ABCA5: variants seen among roughly 807,000 people sequenced by gnomAD.
ABCA5 encodes the protein ATP binding cassette subfamily A member 5.
ABCA5 carries 163 observed loss-of-function variants against 206.0 expected under a neutral mutation model. The observed-to-expected ratio is 0.79, with a 90% CI of 0.70 to 0.90. The LOEUF (loss-of-function observed/expected upper bound fraction) is 0.90, where lower values mean the gene tolerates loss of function less well. ABCA5 is among the 40% of genes least tolerant of loss of function. The pLI, the probability that ABCA5 is intolerant of heterozygous loss-of-function variation, is 0.00. For synonymous variants in ABCA5, 609 were observed against 613.8 expected (o/e 0.99, Z 0.11); for missense variants, 1,859 against 1,912.9 (o/e 0.97, Z 0.53).
In ABCA5 at chr17:69,254,449, A is replaced by T. The variant is rs771048225; in HGVS notation, c.4110T>A (p.Asp1370Glu). 12 of 1,613,070 alleles carry T rather than the reference A, an allele frequency of 7.4e-6. No individual in the cohort carries two copies. Among genetic ancestry groups the T allele is most frequent in the Non-Finnish European group, 1.0e-5 (12 of 1,179,570 alleles). Reference protein sequence around the residue: ...GDYSSETSEDDDSLKCMGYCP... With the variant: ...GDYSSETSEDEDSLKCMGYCP... ...AGTAACCCATACACTTCAGTGAATCATCATCTTCACTTGTCTCTGAAGAAT... is the reference window on the plus strand; with the variant it reads ...AGTAACCCATACACTTCAGTGAATCTTCATCTTCACTTGTCTCTGAAGAAT... Residue 1370 changes from aspartate (D) to glutamate (E), a missense_variant, in exon 32 of 39, where the codon GAT (aspartate) becomes GAA (glutamate). By Grantham distance (45) the Asp-to-Glu change is conservative (BLOSUM62 2). Coordinates refer to ENST00000392676, the MANE Select transcript of ABCA5 (RefSeq NM_172232.4).
rs58369537 is a variant in ABCA5, at chr17:69,263,697, C to CTTTTTTTTTTTTTTTTTTTT, written c.3315+1037_3315+1038insAAAAAAAAAAAAAAAAAAAA. Among the ~76,000 whole-genome samples the CTTTTTTTTTTTTTTTTTTTT allele has an allele frequency of 4.2e-3, 436 of 103,632 alleles. 18 individuals are homozygous for CTTTTTTTTTTTTTTTTTTTT. The highest frequency in any genetic ancestry group is 6.5e-3 in the Non-Finnish European group (369 of 56,460). 68.0% of individuals were successfully genotyped at this position (103,632 alleles called of 152,430 possible). A position where few individuals can be genotyped will look rare whatever the true frequency, so the allele number is the denominator to read the frequency against. ...GGCTTTGTTCTTTTTACATGGATTCCTTTTTTTTTTTTTTTTTGATAAAAA... is the reference window on the plus strand; with the variant it reads ...GGCTTTGTTCTTTTTACATGGATTCCTTTTTTTTTTTTTTTTTTTTTTTTTTTTTTTTTTTTTGATAAAAA... On this transcript the variant is annotated intron_variant, in intron 24 of 38. Transcript: ENST00000392676.
chr17:69,319,511 C>G (rs561330701), intron 1 of ABCA5, among the ~76,000 whole-genome samples: 20 of 152,134 alleles, frequency 1.3e-4, no homozygotes, highest in African/African-American at 4.6e-4. Context: ...ACCATCCCAA[C>G]GCACACAAAC....
chr17:69,268,345 C>T (rs772481432), intron 22 of ABCA5, among the ~76,000 whole-genome samples: 10 of 152,008 alleles, frequency 6.6e-5, no homozygotes, highest in African/African-American at 1.9e-4. Context: ...ATATAAATTA[C>T]GCTTCACAAT....
chr17:69,291,215 C>A lies in ABCA5; in HGVS notation c.1606+1G>T. 1.3e-6 allele frequency: 2 copies of A among 1,562,646 alleles called. No homozygotes were observed. The highest frequency in any genetic ancestry group is 1.8e-5 in the Admixed American group (1 of 54,620). On this transcript the variant is annotated splice_donor_variant, in intron 12 of 38. Coordinates refer to ENST00000392676, the MANE Select transcript of ABCA5 (RefSeq NM_172232.4). LOFTEE classifies it high-confidence loss of function. ...TTTTTTCTTTAAGACAGAAAACTCA[C>A]CATCAGAAGGTGGGCAGAGTCCACA... is the stretch of plus-strand genomic sequence containing the variant.
At position 69,306,770 on chromosome 17, in the gene ABCA5, A is replaced by AT. The variant is rs751460805; in HGVS notation, c.742dup (p.Ile248AsnfsTer12). ...TCCCATTATCTTTAAAAATTCTTTT[A>AT]TTTTTTTTTCTTTTTCTGCTACGAT... On this transcript the variant is annotated frameshift_variant, in exon 6 of 39. Transcript: ENST00000392676. LOFTEE classifies it high-confidence loss of function. The AT allele has an allele frequency of 4.8e-4, 748 of 1,546,820 alleles. No homozygotes were observed. The highest frequency in any genetic ancestry group is 1.2e-3 in the South Asian group (99 of 80,288).
intron 19 of ABCA5, among the ~76,000 whole-genome samples, chr17:69,275,771 G>C (rs559115766): frequency 6.6e-6 from 1 of 152,270 alleles, no homozygotes; most frequent in South Asian, 2.1e-4. Context: ...CCATATGATG[G>C]TATTTGGAAA....
chr17:69,295,984 A>G (rs2075580005), intron 10 of ABCA5, among the ~76,000 whole-genome samples: 1 of 152,206 alleles, frequency 6.6e-6, no homozygotes, highest in South Asian at 2.1e-4. Context: ...ATTCCTTTCC[A>G]TTGTAAGCGT....
At chr17:69,304,609 T>C in intron 7 of ABCA5, 60 bp downstream of exon 7, 2 of 1,367,836 alleles carry the variant, frequency 1.5e-6, no homozygotes, top group Non-Finnish European at 9.7e-7. Flanking sequence ...GAAAAAGACT[T>C]TGCTATGTTA....
intron 35 of ABCA5, 73 bp from the exon 36 acceptor site, chr17:69,250,694 C>A (rs1219587328): frequency 3.5e-6 from 4 of 1,143,592 alleles, no homozygotes; most frequent in Middle Eastern, 3.0e-4. Context: ...ACACATATAA[C>A]TACATTTTAA....
chr17:69,304,532 TTTA>T, intron 7 of ABCA5, 134 bp downstream of exon 7: 1 of 684,314 alleles, frequency 1.5e-6, no homozygotes, highest in South Asian at 2.9e-5. Context: ...ACATCATTTA[TTTA>T]TTAAGTCACT....
intron 23 of ABCA5, among the ~76,000 whole-genome samples, chr17:69,266,047 TAGAG>T (rs1386378608): frequency 6.6e-6 from 1 of 152,104 alleles, no homozygotes; most frequent in Non-Finnish European, 1.5e-5. Context: ...GGCAAATGGT[TAGAG>T]AAAGTGTGAT....
At chr17:69,278,741 T>TGA (rs1385960784) in intron 18 of ABCA5, among the ~76,000 whole-genome samples, 1 of 152,178 alleles carries the variant, frequency 6.6e-6, no homozygotes, top group Admixed American at 6.5e-5. Context: ...TTTACGTACT[T>TGA]TATGTTAAAA....
chr17:69,250,651 A>G (rs1196558239), intron 35 of ABCA5, 30 bp from the exon 36 acceptor site: 2 of 1,492,658 alleles, frequency 1.3e-6, no homozygotes, highest in African/African-American at 2.9e-5. Context: ...GAAAGCTCAG[A>G]TATAAAATGA....
intron 9 of ABCA5, 149 bp downstream of exon 9, chr17:69,300,990 T>C (rs1598193866): frequency 1.6e-6 from 1 of 608,326 alleles, no homozygotes; most frequent in Non-Finnish European, 2.6e-6. Context: ...GTACAAAATA[T>C]ACTTATTTAA....
chr17:69,246,692 C>A lies in ABCA5; in HGVS notation c.*845G>T, dbSNP rs1410218332. The A allele has an allele frequency of 6.6e-6, 1 of 151,620 alleles. No homozygotes were observed. The highest frequency in any genetic ancestry group is 2.4e-5 in the African/African-American group (1 of 41,358). The allele number at this position is 151,620 out of a possible 1,614,324, so 9.4% of individuals were successfully genotyped here. A position where few individuals can be genotyped will look rare whatever the true frequency, so the allele number is the denominator to read the frequency against. On this transcript the variant is annotated 3_prime_UTR_variant, in exon 39 of 39. Transcript: ENST00000392676. ...TATTCAAGAACAAAATTAAATGTGC[C>A]CTTTGCAAGGAAGATGACAAAAAAT... is the stretch of plus-strand genomic sequence containing the variant.
intron 9 of ABCA5, among the ~76,000 whole-genome samples, chr17:69,298,358 A>G (rs532082297): frequency 0.047 from 2,256 of 47,986 alleles, 85 homozygotes; most frequent in African/African-American, 0.11. Context: ...AAAGAAGGAA[A>G]GAAAGGGCAT....
Position 69,294,679 on chromosome 17 carries a change from C to T in ABCA5, c.1471G>A (p.Gly491Ser), listed in dbSNP as rs2075566950. 6.2e-7 allele frequency: 1 copy of T among 1,607,232 alleles called. No homozygotes were observed. Among genetic ancestry groups the T allele is most frequent in the Non-Finnish European group, 8.5e-7 (1 of 1,175,434 alleles). Residue 491 changes from glycine to serine, a missense_variant, in exon 11 of 39, where the codon GGT becomes AGT. Coordinates refer to ENST00000392676, the MANE Select transcript of ABCA5 (RefSeq NM_172232.4). ...CTTCTCAAAGCCTCCACATTTTCAC[C>T]CTTCTTTCTGTATGTCTTCTGAATA... ...SGIQKTYRKK[G>S]ENVEALRNLS...
At chr17:69,303,809 C>A (rs748087092) in intron 7 of ABCA5, among the ~76,000 whole-genome samples, 1 of 4,428 alleles carries the variant, frequency 2.3e-4, no homozygotes, top group African/African-American at 3.0e-4. Context: ...TATATATATA[C>A]ATACATATAT....
At chr17:69,292,607 T>C (rs1006485440) in intron 11 of ABCA5, among the ~76,000 whole-genome samples, 1 of 152,206 alleles carries the variant, frequency 6.6e-6, no homozygotes, top group African/African-American at 2.4e-5. Context: ...CTTGCTTCTT[T>C]GCATTAGAAA....
Sources: allele counts gnomAD v4.1 joint callset (sites outside exome capture counted in the v4.1 genomes callset), GRCh38; gene constraint gnomAD v4.1.1; transcripts MANE v1.5; gene names NCBI Gene and HGNC (gene_info 2026-07-23, HGNC 2026-07-21).